Variants in LDHA observed in about 807,000 individuals in gnomAD.
The protein encoded by LDHA is lactate dehydrogenase A.
In LDHA, 10 loss-of-function variants were observed where a neutral mutation model predicts 36.3. The ratio of observed to expected loss-of-function variants is 0.28; its 90% confidence interval spans 0.17 to 0.47. The LOEUF (loss-of-function observed/expected upper bound fraction) is 0.47, where lower values mean the gene tolerates loss of function less well. Among genes scored for constraint, LDHA ranks in the 20% least tolerant of loss-of-function variants. LDHA has a pLI of 0.99. For synonymous variants in LDHA, 110 were observed against 136.7 expected, an observed-to-expected ratio of 0.80 and a Z score of 1.36; for missense variants, 267 against 405.8, an observed-to-expected ratio of 0.66 and a Z score of 2.94.
chr11:18,406,857 T>TA, intron 7 of LDHA: 1 of 377,762 alleles, frequency 2.6e-6, no homozygotes, highest in South Asian at 2.6e-5. Context: ...GTACTAAACA[T>TA]ACAAAAATTA....
At chr11:18,395,685 C>T (rs1866269231) in intron 1 of LDHA, among the ~76,000 whole-genome samples, 1 of 152,168 alleles carries the variant, frequency 6.6e-6, no homozygotes, top group South Asian at 2.1e-4. Flanking sequence ...CAAAACTAGA[C>T]GTGATACTTT....
At chr11:18,400,731 C>G in intron 3 of LDHA, 106 bp from the exon 4 acceptor site, 1 of 803,652 alleles carries the variant, frequency 1.2e-6, no homozygotes, top group Non-Finnish European at 2.1e-6. Context: ...TGATAAAACT[C>G]TAAGAACAAG....
chr11:18,397,188 T>G, intron 2 of LDHA: 1 of 466,836 alleles, frequency 2.1e-6, no homozygotes, highest in South Asian at 3.5e-5. Flanking sequence ...GGAGACCCAG[T>G]TCCTAAAATT....
At chr11:18,399,707 C>T in intron 3 of LDHA, 159 bp downstream of exon 3, 2 of 668,526 alleles carry the variant, frequency 3.0e-6, no homozygotes, top group Non-Finnish European at 5.5e-6. Context: ...CTTCATTACC[C>T]CCTCCCCCTC....
intron 4 of LDHA, 115 bp from the exon 5 acceptor site, chr11:18,402,725 A>G: frequency 1.2e-6 from 1 of 810,776 alleles, no homozygotes; most frequent in Non-Finnish European, 2.2e-6. Flanking sequence ...GGAGTAGCCT[A>G]TTATTATCTA....
chr11:18,399,967 AG>A, intron 3 of LDHA: 1 of 197,148 alleles, frequency 5.1e-6, no homozygotes, highest in Non-Finnish European at 1.1e-5. Context: ...CGGGTGCAAG[AG>A]CCTGGGAACA....
chr11:18,399,198 T>C, intron 2 of LDHA: 1 of 496,070 alleles, frequency 2.0e-6, no homozygotes, highest in Non-Finnish European at 3.7e-6. Flanking sequence ...GGAACTCCTA[T>C]AGAGCTCGCT....
At chr11:18,407,034 T>A (rs1234696251) in intron 7 of LDHA, 83 bp from the exon 8 acceptor site, 7 of 1,094,588 alleles carry the variant, frequency 6.4e-6, no homozygotes, top group Non-Finnish European at 9.3e-6. Flanking sequence ...AAAAGCTTTA[T>A]AATTATAGAG....
At chr11:18,402,012 A>G (rs1866527532) in intron 4 of LDHA, among the ~76,000 whole-genome samples, 1 of 119,152 alleles carries the variant, frequency 8.4e-6, no homozygotes, top group Non-Finnish European at 1.6e-5. Flanking sequence ...GCTGGAGTGC[A>G]GTGGTTCGAT....
At chr11:18,405,972 G>A (rs1177859690) in intron 7 of LDHA, among the ~76,000 whole-genome samples, 3 of 152,030 alleles carry the variant, frequency 2.0e-5, no homozygotes, top group Non-Finnish European at 4.4e-5. Context: ...ACTTATCAAA[G>A]TTTTTTATTT....
chr11:18,399,457 T>C lies in LDHA; in HGVS notation c.153T>C (p.Val51=). The change falls in exon 3 of 8, where the codon GTT becomes GTC. Residue 51 remains valine (V), a synonymous_variant. Transcript: ENST00000422447. The stretch of plus-strand genomic sequence containing the variant: ...ACTTGGCAGATGAACTTGCTCTTGT[T>C]GATGTCATCGAAGACAAATTGAAGG... ...MKDLADELAL[V]DVIEDKLKGE... 3.1e-6 allele frequency: 5 copies of C among 1,613,290 alleles called. No homozygotes were observed. The highest frequency in any genetic ancestry group is 8.5e-7 in the Non-Finnish European group (1 of 1,179,428).
In LDHA at chr11:18,408,236, A is replaced by G. The variant is rs977964028; in HGVS notation, c.*955A>G. ...AGGCAGGGTGCAGTGGCTCATGCCT[A>G]TAATCCCAGCACTTTGGGAAGCCCA... is the stretch of plus-strand genomic sequence containing the variant. On this transcript the variant is annotated 3_prime_UTR_variant, in exon 8 of 8. Transcript: ENST00000422447. 14 of 453,820 alleles carry G rather than the reference A, an allele frequency of 3.1e-5. No individual in the cohort carries two copies. Among genetic ancestry groups the G allele is most frequent in the Admixed American group, 1.2e-4 (5 of 42,540 alleles). The allele number at this position is 453,820 out of a possible 1,614,324, so 28.1% of individuals were successfully genotyped here.
intron 1 of LDHA, chr11:18,395,038 C>G (rs1430622956): frequency 5.0e-6 from 1 of 201,088 alleles, no homozygotes; most frequent in African/African-American, 2.4e-5. Flanking sequence ...CCAAAAAAGC[C>G]TCAGCTTGTC....
intron 2 of LDHA, chr11:18,398,624 T>C (rs1866376687): frequency 1.9e-5 from 2 of 106,952 alleles, no homozygotes; most frequent in South Asian, 7.7e-4. Flanking sequence ...TTTTTTTTTT[T>C]TTTTTCTGAG....
chr11:18,407,635 G>T lies in LDHA; in HGVS notation c.*354G>T, dbSNP rs1866745154. On this transcript the variant is annotated 3_prime_UTR_variant, in exon 8 of 8. Transcript: ENST00000422447. ...CTGGCTCCTTCACTGAACATGCCTA[G>T]TCCAACATTTTTTCCCAGTGAGTCA... The T allele has an allele frequency of 3.3e-6, 2 of 608,714 alleles. No individual in the cohort carries two copies. Among genetic ancestry groups the T allele is most frequent in the East Asian group, 3.5e-5 (1 of 28,788 alleles). The allele number at this position is 608,714 out of a possible 1,614,324, so 37.7% of individuals were successfully genotyped here. A position where few individuals can be genotyped will look rare whatever the true frequency, so the allele number is the denominator to read the frequency against.
chr11:18,395,569 T>C (rs568216745), intron 1 of LDHA, among the ~76,000 whole-genome samples: 1 of 152,292 alleles, frequency 6.6e-6, no homozygotes, highest in African/African-American at 2.4e-5. Context: ...CAAGGCTGTC[T>C]AGAAATAGCA....
chr11:18,404,652 C>T (rs1013776815), intron 6 of LDHA, among the ~76,000 whole-genome samples: 3 of 151,140 alleles, frequency 2.0e-5, no homozygotes, highest in Admixed American at 6.6e-5. Flanking sequence ...ACTAAAAATA[C>T]AAAAAATTAG....
chr11:18,401,208 G>C (rs558750359), intron 4 of LDHA, among the ~76,000 whole-genome samples, 198 bp downstream of exon 4: 1 of 150,192 alleles, frequency 6.7e-6, no homozygotes, highest in Admixed American at 6.6e-5. Flanking sequence ...GGAGTGCAGT[G>C]GCGCAATCTG....
In LDHA at chr11:18,399,508, C is replaced by T. The variant is rs1866408606; in HGVS notation, c.204C>T (p.Gly68=). Residue 68 remains glycine (G), a synonymous_variant, in exon 3 of 8, where the codon GGC becomes GGT. Coordinates refer to ENST00000422447, the MANE Select transcript of LDHA (RefSeq NM_005566.4). ...LKGEMMDLQH[G]SLFLRTPKIV... ...GAGAGATGATGGATCTCCAACATGG[C>T]AGCCTTTTCCTTAGAACACCAAAGA... The T allele has an allele frequency of 6.2e-7, 1 of 1,612,874 alleles. No homozygotes were observed. Among genetic ancestry groups the T allele is most frequent in the South Asian group, 1.1e-5 (1 of 91,064 alleles).
Sources: gnomAD v4.1 joint callset for allele counts (sites outside exome capture counted in the v4.1 genomes callset) on GRCh38, gnomAD v4.1.1 for gene constraint, MANE v1.5 for transcripts, NCBI Gene and HGNC (gene_info 2026-07-23, HGNC 2026-07-21) for gene names.